UBTD1: variants seen among roughly 807,000 people sequenced by gnomAD.
UBTD1 encodes ubiquitin domain-containing protein 1.
In UBTD1, 19 loss-of-function variants were observed where a neutral mutation model predicts 21.7. That is an observed-to-expected ratio of 0.87 (90% CI 0.61 to 1.28). UBTD1 has a LOEUF of 1.28. UBTD1 is among the 50% of genes most tolerant of loss of function. UBTD1 has a pLI of 0.00. For missense variants in UBTD1, 282 were observed against 315.1 expected, an observed-to-expected ratio of 0.89 and a Z score of 0.80; for synonymous variants, 116 against 135.1, an observed-to-expected ratio of 0.86 and a Z score of 0.98.
Position 97,570,187 on chromosome 10 carries a change from C to T in UBTD1, c.348C>T (p.Pro116=), listed in dbSNP as rs780689703. 6.2e-7 allele frequency: 1 copy of T among 1,612,958 alleles called. No homozygotes were observed. The stretch of plus-strand genomic sequence containing the variant: ...AGCTGGGCAATCGCTACCAGCTGCC[C>T]ATCTACTGCCTGTCACCGCCGGTGA... The part of the protein sequence containing the change: ...YDELGNRYQL[P]IYCLSPPVNL... Residue 116 remains proline (P), a synonymous_variant, in exon 3 of 3, where the codon CCC becomes CCT. Transcript: ENST00000370664. This position sits in a 1 kb window ranked among gnomAD's most constrained non-coding sequence, Gnocchi z 6.6.
At chr10:97,506,800 T>C (rs1029690727) in intron 1 of UBTD1, among the ~76,000 whole-genome samples, 1 of 152,356 alleles carries the variant, frequency 6.6e-6, no homozygotes, top group Admixed American at 6.5e-5. Flanking sequence ...CTTAGCATAA[T>C]GTTGTCAAGG....
intron 1 of UBTD1, among the ~76,000 whole-genome samples, chr10:97,522,460 A>G (rs1055084625): frequency 2.0e-5 from 3 of 152,194 alleles, no homozygotes; most frequent in Admixed American, 6.5e-5. Flanking sequence ...TCCTTTAGGT[A>G]AAGTTTTCCT....
At chr10:97,564,236 G>A (rs1262390353) in intron 1 of UBTD1, among the ~76,000 whole-genome samples, 1 of 152,198 alleles carries the variant, frequency 6.6e-6, no homozygotes, top group Non-Finnish European at 1.5e-5. Flanking sequence ...CTGGAAGATA[G>A]TCGCCTAGAG....
chr10:97,550,228 A>G (rs78777683), intron 1 of UBTD1, among the ~76,000 whole-genome samples: 4,247 of 152,274 alleles, frequency 0.028, 154 homozygotes, highest in East Asian at 0.078. Context: ...TGTTGGCCCC[A>G]TCCCTGGAGT....
In UBTD1 at chr10:97,570,217, G is replaced by A. The variant is rs1279304236; in HGVS notation, c.378G>A (p.Leu126=). The change falls in exon 3 of 3, where the codon CTG becomes CTA. Residue 126 remains leucine (L), a synonymous_variant. Transcript: ENST00000370664. This position sits in a 1 kb window ranked among gnomAD's most constrained non-coding sequence, Gnocchi z 6.6. ...ACTGCCTGTCACCGCCGGTGAACCT[G>A]CTGCTGGAGCACACGGAGGAGGAGA... The part of the protein sequence containing the change: ...PIYCLSPPVN[L]LLEHTEEESL... The A allele has an allele frequency of 9.3e-6, 15 of 1,613,218 alleles. No homozygotes were observed. The highest frequency in any genetic ancestry group is 1.2e-5 in the Non-Finnish European group (14 of 1,180,004).
Position 97,543,857 on chromosome 10 carries a change from T to C in UBTD1, c.71-24057T>C, listed in dbSNP as rs897080511. Among the ~76,000 whole-genome samples, 6 of 152,160 alleles carry C rather than the reference T, an allele frequency of 3.9e-5. 1 individual carries two copies. Among genetic ancestry groups the C allele is most frequent in the African/African-American group, 9.7e-5 (4 of 41,432 alleles). ...CCCGAACAGTTGTGGGCAGATTTGC[T>C]GTGGTGTTTGCTGTGGAGCAGGGGG... On this transcript the variant is annotated intron_variant, in intron 1 of 2. Transcript: ENST00000370664.
intron 1 of UBTD1, among the ~76,000 whole-genome samples, chr10:97,546,744 C>T (rs10748699): frequency 0.33 from 49,505 of 151,940 alleles, 8,496 homozygotes; most frequent in East Asian, 0.49. Flanking sequence ...GCTCCTGCCG[C>T]GTGTTTTCCT....
chr10:97,551,370 TAA>T (rs140401859), intron 1 of UBTD1, among the ~76,000 whole-genome samples: 1 of 143,798 alleles, frequency 7.0e-6, no homozygotes, highest in Admixed American at 6.9e-5. Context: ...ACCTCTCTAT[TAA>T]AAAAAAAAAA....
At chr10:97,551,758 T>C (rs2040638464) in intron 1 of UBTD1, among the ~76,000 whole-genome samples, 2 of 152,194 alleles carry the variant, frequency 1.3e-5, no homozygotes, top group Admixed American at 1.3e-4. Flanking sequence ...AAGTATCCTC[T>C]TTCCTTATTA....
Position 97,499,278 on chromosome 10 carries a change from C to T in UBTD1, c.70+5C>T, listed in dbSNP as rs1471983747. The T allele has an allele frequency of 1.9e-6, 3 of 1,548,268 alleles. No homozygotes were observed. Among genetic ancestry groups the T allele is most frequent in the South Asian group, 1.2e-5 (1 of 83,562 alleles). ...GACACCCCCGCAAGCGAGCAGGTAA[C>T]GATGGGGAAGGGAGCAGGGCCTCGG... On this transcript the variant is annotated splice_donor_5th_base_variant and intron_variant, in intron 1 of 2. Coordinates refer to ENST00000370664, the MANE Select transcript of UBTD1 (RefSeq NM_024954.5).
intron 1 of UBTD1, among the ~76,000 whole-genome samples, chr10:97,519,981 A>T (rs1175911097): frequency 6.6e-6 from 1 of 152,166 alleles, no homozygotes; most frequent in Non-Finnish European, 1.5e-5. Context: ...ACTAAACACC[A>T]CTGGTTTACT....
intron 1 of UBTD1, among the ~76,000 whole-genome samples, chr10:97,552,393 CTTT>C (rs60160152): frequency 1.7e-5 from 2 of 119,858 alleles, no homozygotes; most frequent in Admixed American, 1.0e-4. Context: ...ATTATACACC[CTTT>C]TTTTTTTTTT....
At chr10:97,519,583 TCA>T (rs1240020323) in intron 1 of UBTD1, among the ~76,000 whole-genome samples, 1 of 152,210 alleles carries the variant, frequency 6.6e-6, no homozygotes, top group Non-Finnish European at 1.5e-5. Context: ...GGAGAATGAA[TCA>T]CAGTCTCTGG....
intron 1 of UBTD1, among the ~76,000 whole-genome samples, chr10:97,542,401 G>A (rs908633633): frequency 1.3e-5 from 2 of 152,222 alleles, no homozygotes; most frequent in Non-Finnish European, 2.9e-5. Context: ...CAGCTGGGGA[G>A]GGAGTGGGGG....
At position 97,568,128 on chromosome 10, in the gene UBTD1, C is replaced by T; in HGVS notation, c.285C>T (p.Ile95=). 6.2e-7 allele frequency: 1 copy of T among 1,613,564 alleles called. No homozygotes were observed. Among genetic ancestry groups the T allele is most frequent in the East Asian group, 2.2e-5 (1 of 44,900 alleles). ...AGGCCATCCTGGATGGAGCCAGCAT[C>T]ACCCTGCCTCATGGTAAGTGGGCAG... ...LAQAILDGAS[I]TLPHGTLCEC... The change falls in exon 2 of 3, where the codon ATC becomes ATT. Residue 95 remains isoleucine, a synonymous_variant. Transcript: ENST00000370664.
intron 1 of UBTD1, among the ~76,000 whole-genome samples, chr10:97,535,829 G>C (rs1193982422): frequency 6.6e-6 from 1 of 151,742 alleles, no homozygotes; most frequent in East Asian, 1.9e-4. Flanking sequence ...GAGGTAGAAG[G>C]ATCGCTTGAT....
intron 1 of UBTD1, among the ~76,000 whole-genome samples, chr10:97,555,836 C>T (rs1427107225): frequency 3.3e-5 from 5 of 152,272 alleles, no homozygotes; most frequent in South Asian, 2.1e-4. Flanking sequence ...TCGGGCCTGG[C>T]GCTGGGCTGC....
In UBTD1 at chr10:97,570,459, C is replaced by G. The variant is rs760486692; in HGVS notation, c.620C>G (p.Thr207Ser). ...ACAGACCGCACACGGCTCCAGGAGA[C>G]CAAGATCCAGAAAGATTTTGTCATC... ...LLTDRTRLQE[T>S]KIQKDFVIQV... Residue 207 changes from threonine to serine, a missense_variant, in exon 3 of 3, where the codon ACC (threonine) becomes AGC (serine). Thr to Ser is a moderately conservative substitution (Grantham distance 58). Transcript: ENST00000370664. The surrounding 1 kb of genome is among the most constrained non-coding windows in gnomAD (Gnocchi z 6.6). The G allele has an allele frequency of 1.2e-6, 2 of 1,612,528 alleles. No homozygotes were observed. Among genetic ancestry groups the G allele is most frequent in the African/African-American group, 2.7e-5 (2 of 74,898 alleles).
chr10:97,566,137 A>G (rs1452570455), intron 1 of UBTD1, among the ~76,000 whole-genome samples: 1 of 152,128 alleles, frequency 6.6e-6, no homozygotes, highest in Non-Finnish European at 1.5e-5. Flanking sequence ...ATAATCTCTT[A>G]TTCATATTTT....
Sources: gnomAD v4.1 joint callset for allele counts (sites outside exome capture counted in the v4.1 genomes callset) on GRCh38, gnomAD v4.1.1 for gene constraint, Gnocchi (gnomAD v3.1) non-coding constraint, MANE v1.5 for transcripts, NCBI Gene and HGNC (gene_info 2026-07-23, HGNC 2026-07-21) for gene names.